INPP4A: variants seen among roughly 807,000 people sequenced by gnomAD.
The protein encoded by INPP4A is inositol polyphosphate-4-phosphatase type I A.
In INPP4A, 33 loss-of-function variants were observed where a neutral mutation model predicts 119.8. The observed-to-expected ratio is 0.28, with a 90% CI of 0.21 to 0.37. The LOEUF is 0.37. Among genes scored for constraint, INPP4A ranks in the 10% least tolerant of loss-of-function variants. INPP4A has a pLI of 1.00. For synonymous variants in INPP4A, 496 were observed against 500.7 expected, an observed-to-expected ratio of 0.99 and a Z score of 0.12; for missense variants, 956 against 1,289.9, an observed-to-expected ratio of 0.74 and a Z score of 3.97.
intron 1 of INPP4A, among the ~76,000 whole-genome samples, chr2:98,496,920 C>CTT (rs1451547410): frequency 6.6e-6 from 1 of 152,210 alleles, no homozygotes; most frequent in Non-Finnish European, 1.5e-5. Context: ...TTTTCCCTCT[C>CTT]TGACACTGGG....
At chr2:98,574,360 G>A (rs920774602) in intron 23 of INPP4A, among the ~76,000 whole-genome samples, 2 of 152,036 alleles carry the variant, frequency 1.3e-5, no homozygotes, top group South Asian at 2.1e-4. Context: ...GAGGGTGGCC[G>A]GGCTCGGTGG....
At chr2:98,520,754 TTGTTTTAAAAAATATTTTACTTAAAAATG>T in intron 4 of INPP4A, 23 bp downstream of exon 4, 1 of 1,357,830 alleles carries the variant, frequency 7.4e-7, no homozygotes, top group Non-Finnish European at 1.0e-6. Flanking sequence ...CATTATTTTT[TTGTTTTAAAAAATATTTTACTTAAAAATG>T]AAAACAAAAA....
At chr2:98,530,246 C>G (rs1688963623) in intron 4 of INPP4A, among the ~76,000 whole-genome samples, 1 of 150,994 alleles carries the variant, frequency 6.6e-6, no homozygotes, top group South Asian at 2.1e-4. Context: ...TACCAGAGAA[C>G]TGATAGGACA....
intron 23 of INPP4A, among the ~76,000 whole-genome samples, chr2:98,574,227 T>C (rs1244546910): frequency 6.6e-6 from 1 of 152,066 alleles, no homozygotes; most frequent in African/African-American, 2.4e-5. Flanking sequence ...GGGGGCTCCC[T>C]ACTTTTATTT....
chr2:98,485,532 C>T (rs1679365880), intron 1 of INPP4A, among the ~76,000 whole-genome samples: 1 of 152,150 alleles, frequency 6.6e-6, no homozygotes, highest in South Asian at 2.1e-4. Flanking sequence ...TCTTGAAAGC[C>T]CCTAGGGCTG....
chr2:98,572,700 C>T lies in INPP4A; in HGVS notation c.2519-115C>T, dbSNP rs183583984. 134 of 644,996 alleles carry T rather than the reference C, an allele frequency of 2.1e-4. No individual in the cohort carries two copies. In the Admixed American group the frequency reaches 3.2e-3, roughly 15 times the overall value. The allele number at this position is 644,996 out of a possible 1,614,324, so 40.0% of individuals were successfully genotyped here. A position where few individuals can be genotyped will look rare whatever the true frequency, so the allele number is the denominator to read the frequency against. ...CAAACACCTCCATCCCTTCTTCAAC[C>T]GGGAACTCATTGTTTTACCACTGTG... On this transcript the variant is annotated intron_variant, in intron 22 of 24. Coordinates refer to ENST00000409851, the MANE Select transcript of INPP4A (RefSeq NM_001134225.2).
At chr2:98,553,988 C>T (rs1694020373) in intron 14 of INPP4A, among the ~76,000 whole-genome samples, 2 of 152,236 alleles carry the variant, frequency 1.3e-5, no homozygotes, top group Admixed American at 1.3e-4. Flanking sequence ...CCCTAGCAAT[C>T]ACAGGTCAGA....
chr2:98,565,728 C>T lies in INPP4A; in HGVS notation c.2241C>T (p.Ser747=), dbSNP rs757904545. 32 of 1,613,220 alleles carry T rather than the reference C, an allele frequency of 2.0e-5. No individual in the cohort carries two copies. The Admixed American group carries it at 3.2e-4, about 16-fold the overall frequency. ...TCAAAGTCACTCAGGCCACTTCCAGCGCCTCCGCAGACATGCTGCCCGTCA... is the reference window on the plus strand; with the variant it reads ...TCAAAGTCACTCAGGCCACTTCCAGTGCCTCCGCAGACATGCTGCCCGTCA... ...VTFKVTQATS[S]ASADMLPVIT... Residue 747 remains serine, a synonymous_variant, in exon 20 of 25, where the codon AGC becomes AGT. Transcript: ENST00000409851.
At chr2:98,552,700 G>A in intron 13 of INPP4A, 86 bp from the exon 14 acceptor site, 1 of 1,063,656 alleles carries the variant, frequency 9.4e-7, no homozygotes, top group Admixed American at 1.8e-5. Flanking sequence ...TTCATCTTAG[G>A]GTCAATTGTG....
At chr2:98,480,360 A>G (rs1213088297) in intron 1 of INPP4A, among the ~76,000 whole-genome samples, 1 of 152,184 alleles carries the variant, frequency 6.6e-6, no homozygotes, top group African/African-American at 2.4e-5. Context: ...TGAGGTAATT[A>G]TTATTCATTT....
Position 98,592,127 on chromosome 2 carries a change from C to G in INPP4A, c.*4519C>G, listed in dbSNP as rs367625609. ...CCAGCAGTTCCTCCTGGCAGGCAGG[C>G]CCTCACAGAACTCTGCATTTGGAGA... is the stretch of plus-strand genomic sequence containing the variant. On this transcript the variant is annotated 3_prime_UTR_variant, in exon 25 of 25. Coordinates refer to ENST00000409851, the MANE Select transcript of INPP4A (RefSeq NM_001134225.2). 8 of 152,364 alleles carry G rather than the reference C, an allele frequency of 5.3e-5. No homozygotes were observed. The East Asian group carries it at 5.8e-4, about 11-fold the overall frequency. 9.4% of individuals were successfully genotyped at this position (152,364 alleles called of 1,614,324 possible).
At chr2:98,487,924 G>A (rs986494588) in intron 1 of INPP4A, among the ~76,000 whole-genome samples, 3 of 152,160 alleles carry the variant, frequency 2.0e-5, no homozygotes, top group Non-Finnish European at 4.4e-5. Flanking sequence ...CTGGACTTGC[G>A]GAGAATTACC....
chr2:98,566,075 G>A lies in INPP4A; in HGVS notation c.2326G>A (p.Ala776Thr), dbSNP rs767204088. Reference sequence around the variant, plus strand: ...CCCTCTGCCGGGCCCGCTGTTTGACGCCTTGCCCCGGGAGATCCAGAGTGG... The same window carrying A: ...CCCTCTGCCGGGCCCGCTGTTTGACACCTTGCCCCGGGAGATCCAGAGTGG... ...RVPLPGPLFD[A>T]LPREIQSGML... The change falls in exon 21 of 25, where the codon GCC becomes ACC. Residue 776 changes from alanine to threonine, a missense_variant. Physicochemically the swap from Ala to Thr is moderately conservative, Grantham distance 58 (BLOSUM62 0). Coordinates refer to ENST00000409851, the MANE Select transcript of INPP4A (RefSeq NM_001134225.2). This position sits in a 1 kb window ranked among gnomAD's most constrained non-coding sequence, Gnocchi z 4.2. The A allele has an allele frequency of 1.6e-5, 25 of 1,602,610 alleles. 1 individual carries two copies. Among genetic ancestry groups the A allele is most frequent in the South Asian group, 1.0e-4 (9 of 88,684 alleles).
At chr2:98,538,772 A>G in intron 8 of INPP4A, 119 bp from the exon 9 acceptor site, 2 of 655,142 alleles carry the variant, frequency 3.1e-6, no homozygotes, top group Non-Finnish European at 5.6e-6. Flanking sequence ...TGTAGAGTTC[A>G]TGGTGGATAT....
At chr2:98,547,440 G>A (rs1252899443) in intron 13 of INPP4A, among the ~76,000 whole-genome samples, 1 of 152,184 alleles carries the variant, frequency 6.6e-6, no homozygotes, top group African/African-American at 2.4e-5. Context: ...CCCCAGGGGT[G>A]GGAGGGAGAG....
chr2:98,473,271 G>A (rs558741315), intron 1 of INPP4A, among the ~76,000 whole-genome samples: 567 of 145,720 alleles, frequency 3.9e-3, no homozygotes, highest in Admixed American at 5.8e-3. Flanking sequence ...GAGTGTGGCG[G>A]GTAGTGTGGG....
chr2:98,449,143 A>G (rs1381469567), intron 1 of INPP4A, among the ~76,000 whole-genome samples: 1 of 152,128 alleles, frequency 6.6e-6, no homozygotes, highest in African/African-American at 2.4e-5. Flanking sequence ...TTTGTAGTTA[A>G]TCTGTGTCTT....
intron 4 of INPP4A, among the ~76,000 whole-genome samples, chr2:98,525,834 A>G (rs958441766): frequency 6.6e-6 from 1 of 152,206 alleles, no homozygotes; most frequent in African/African-American, 2.4e-5. Flanking sequence ...CAACAACAAC[A>G]ACAAAACAAA....
In INPP4A at chr2:98,445,098, G is replaced by A. The variant is rs1217484958; in HGVS notation, c.-166+13G>A. ...CGGGGAGCGCCAGGTAGGTGGGCCGGGCCGGGCAGGAGGCGACGCGGCCGC... is the reference window on the plus strand; with the variant it reads ...CGGGGAGCGCCAGGTAGGTGGGCCGAGCCGGGCAGGAGGCGACGCGGCCGC... On this transcript the variant is annotated intron_variant, in intron 1 of 24. Coordinates refer to ENST00000409851, the MANE Select transcript of INPP4A (RefSeq NM_001134225.2). 4 of 149,992 alleles carry A rather than the reference G, an allele frequency of 2.7e-5. No homozygotes were observed. Among genetic ancestry groups the A allele is most frequent in the African/African-American group, 9.7e-5 (4 of 41,100 alleles). The allele number at this position is 149,992 out of a possible 1,614,324, so 9.3% of individuals were successfully genotyped here.
Sources: allele counts gnomAD v4.1 joint callset (sites outside exome capture counted in the v4.1 genomes callset), GRCh38; gene constraint gnomAD v4.1.1; non-coding constraint Gnocchi (gnomAD v3.1); transcripts MANE v1.5; gene names NCBI Gene and HGNC (gene_info 2026-07-23, HGNC 2026-07-21).